The following BNC2 variants were observed in gnomAD, a reference collection of about 807,000 sequenced individuals.
BNC2 encodes basonuclin zinc finger protein 2, also known as zinc finger protein basonuclin-2.
A neutral mutation model predicts 76.3 loss-of-function variants in BNC2; 20 were observed. That is an observed-to-expected ratio of 0.26 (90% CI 0.18 to 0.38). The LOEUF is 0.38. BNC2 is among the 10% of genes least tolerant of loss of function. The pLI is 1.00. For synonymous variants in BNC2, 582 were observed against 514.8 expected (o/e 1.13, Z -1.77); for missense variants, 1,382 against 1,399.8 (o/e 0.99, Z 0.20).
intron 3 of BNC2, among the ~76,000 whole-genome samples, chr9:16,713,916 A>C (rs1823923985): frequency 6.6e-6 from 1 of 152,166 alleles, no homozygotes. Context: ...CTCTACAAAA[A>C]ATACAAAAAT....
intron 1 of BNC2, among the ~76,000 whole-genome samples, chr9:16,812,646 G>A (rs1818080998): frequency 6.6e-6 from 1 of 152,060 alleles, no homozygotes; most frequent in South Asian, 2.1e-4. Context: ...TTCCTCATAG[G>A]ACTTAATAAA....
At chr9:16,811,104 G>C (rs965508524) in intron 1 of BNC2, among the ~76,000 whole-genome samples, 7 of 151,712 alleles carry the variant, frequency 4.6e-5, no homozygotes, top group African/African-American at 1.7e-4. Flanking sequence ...TGTAGTCCCA[G>C]CTACTCTGGG....
chr9:16,809,848 T>C (rs1199594984), intron 1 of BNC2, among the ~76,000 whole-genome samples: 3 of 152,218 alleles, frequency 2.0e-5, no homozygotes, highest in African/African-American at 4.8e-5. Context: ...TTCTGAGTTC[T>C]TTCTATATGA....
Position 16,437,482 on chromosome 9 carries a change from G to T in BNC2, c.712C>A (p.Arg238=). ...TGAAGGGTGATGATTTCCTCTTCTC[G>T]AGACATGATGGCCCAGCGGTCCAGC... The part of the protein sequence containing the change: ...KVLDRWAIMS[R]EEEIITLQQF... The change falls in exon 6 of 7, where the codon CGA becomes AGA. Residue 238 remains arginine (R), a synonymous_variant. Transcript: ENST00000380672. 6.2e-7 allele frequency: 1 copy of T among 1,613,490 alleles called. No individual in the cohort carries two copies. The highest frequency in any genetic ancestry group is 1.1e-5 in the South Asian group (1 of 91,058).
intron 1 of BNC2, among the ~76,000 whole-genome samples, chr9:16,864,397 G>T (rs910638259): frequency 6.6e-6 from 1 of 152,134 alleles, no homozygotes; most frequent in Admixed American, 6.5e-5. Flanking sequence ...TCCTCTGAAA[G>T]ATTTGAAAAA....
intron 1 of BNC2, among the ~76,000 whole-genome samples, chr9:16,739,253 T>C (rs1028789978): frequency 1.3e-5 from 2 of 152,152 alleles, no homozygotes; most frequent in African/African-American, 4.8e-5. Flanking sequence ...CAGTCCAAAC[T>C]ACCAAAAGCT....
At chr9:16,773,623 T>C (rs1436603038) in intron 1 of BNC2, among the ~76,000 whole-genome samples, 2 of 152,044 alleles carry the variant, frequency 1.3e-5, no homozygotes, top group Non-Finnish European at 2.9e-5. Flanking sequence ...GCCGCTGAGA[T>C]AAAGGGGCTT....
At chr9:16,821,373 G>A (rs1431933265) in intron 1 of BNC2, among the ~76,000 whole-genome samples, 3 of 152,106 alleles carry the variant, frequency 2.0e-5, no homozygotes, top group Non-Finnish European at 4.4e-5. Flanking sequence ...GTGGCAGGAT[G>A]ACTACAGTTA....
At chr9:16,550,003 A>G (rs1296833581) in intron 5 of BNC2, among the ~76,000 whole-genome samples, 1 of 151,978 alleles carries the variant, frequency 6.6e-6, no homozygotes, top group Non-Finnish European at 1.5e-5. Flanking sequence ...TTAAAATAAT[A>G]AAAATTAATT....
intron 1 of BNC2, among the ~76,000 whole-genome samples, chr9:16,832,939 T>C (rs992410128): frequency 6.6e-6 from 1 of 152,064 alleles, no homozygotes; most frequent in South Asian, 2.1e-4. Flanking sequence ...TTGGCCAGGA[T>C]AGTCTCAATC....
rs145262491 is a variant in BNC2, at chr9:16,417,341, T to G, written c.*1648A>C. 1 of 152,478 alleles carries G rather than the reference T, an allele frequency of 6.6e-6. No individual in the cohort carries two copies. The highest frequency in any genetic ancestry group is 2.4e-5 in the African/African-American group (1 of 41,452). The allele number at this position is 152,478 out of a possible 1,614,324, so 9.4% of individuals were successfully genotyped here. ...AACAAAACAAAAAAGGTTTGGAGAA[T>G]AGTCTCTCTCCTCTTTCTCACTCTC... On this transcript the variant is annotated 3_prime_UTR_variant, in exon 7 of 7. Transcript: ENST00000380672.
At chr9:16,567,352 T>TA (rs1199002403) in intron 4 of BNC2, among the ~76,000 whole-genome samples, 3 of 152,206 alleles carry the variant, frequency 2.0e-5, no homozygotes, top group Admixed American at 1.3e-4. Flanking sequence ...ACTGCTAACT[T>TA]AAAGAACAAA....
intron 3 of BNC2, among the ~76,000 whole-genome samples, chr9:16,696,539 C>T (rs1026020341): frequency 2.0e-5 from 3 of 152,184 alleles, no homozygotes; most frequent in African/African-American, 7.2e-5. Context: ...TTCCTTAGGG[C>T]TCTAAGCACC....
chr9:16,777,090 C>T (rs1323124390), intron 1 of BNC2, among the ~76,000 whole-genome samples: 8 of 152,114 alleles, frequency 5.3e-5, no homozygotes, highest in Admixed American at 3.3e-4. Flanking sequence ...GGCGCCACTA[C>T]ACTCCAGCCT....
At chr9:16,480,100 A>G (rs1343069205) in intron 5 of BNC2, among the ~76,000 whole-genome samples, 1 of 152,236 alleles carries the variant, frequency 6.6e-6, no homozygotes, top group African/African-American at 2.4e-5. Flanking sequence ...TACATGTAAC[A>G]TCTCCATTAA....
chr9:16,818,073 A>G (rs1294695757), intron 1 of BNC2, among the ~76,000 whole-genome samples: 1 of 152,108 alleles, frequency 6.6e-6, no homozygotes, highest in African/African-American at 2.4e-5. Context: ...TGCAAGCAAA[A>G]ATGGCAAGCC....
intron 1 of BNC2, among the ~76,000 whole-genome samples, chr9:16,774,486 T>C (rs908047184): frequency 6.6e-6 from 1 of 152,348 alleles, no homozygotes; most frequent in Admixed American, 6.5e-5. Flanking sequence ...GACCATAGCT[T>C]GTGCTGTAGC....
chr9:16,459,585 C>A (rs1334473225), intron 5 of BNC2, among the ~76,000 whole-genome samples: 1 of 145,646 alleles, frequency 6.9e-6, no homozygotes, highest in South Asian at 2.3e-4. Context: ...AAGCAATACA[C>A]GGCAGGAGAA....
At chr9:16,445,336 T>C (rs1821210307) in intron 5 of BNC2, among the ~76,000 whole-genome samples, 1 of 152,156 alleles carries the variant, frequency 6.6e-6, no homozygotes, top group African/African-American at 2.4e-5. Context: ...TACACCATTC[T>C]CTATTCACAC....
Sources: gnomAD v4.1 joint callset for allele counts (sites outside exome capture counted in the v4.1 genomes callset) on GRCh38, gnomAD v4.1.1 for gene constraint, MANE v1.5 for transcripts, NCBI Gene and HGNC (gene_info 2026-07-23, HGNC 2026-07-21) for gene names.